MAP2: variants seen among roughly 807,000 people sequenced by gnomAD.
The protein encoded by MAP2 is microtubule associated protein 2.
MAP2 carries 14 observed loss-of-function variants against 137.6 expected under a neutral mutation model. The observed-to-expected ratio is 0.10, with a 90% confidence interval of 0.07 to 0.16. The LOEUF (loss-of-function observed/expected upper bound fraction) is 0.16, where lower values mean the gene tolerates loss of function less well. Among genes scored for constraint, MAP2 ranks in the 10% least tolerant of loss-of-function variants. The pLI, the probability that MAP2 is intolerant of heterozygous loss-of-function variation, is 1.00. For synonymous variants in MAP2, 786 were observed against 782.3 expected, an observed-to-expected ratio of 1.00 and a Z score of -0.08; for missense variants, 2,088 against 2,191.5, an observed-to-expected ratio of 0.95 and a Z score of 0.94.
chr2:209,713,365 C>G (rs1354232356), intron 13 of MAP2, among the ~76,000 whole-genome samples: 1 of 152,114 alleles, frequency 6.6e-6, no homozygotes, highest in Admixed American at 6.6e-5. Flanking sequence ...TGTTAAGGTC[C>G]AATTTCTGTT....
intron 11 of MAP2, among the ~76,000 whole-genome samples, chr2:209,702,966 A>G (rs922998477): frequency 6.6e-6 from 1 of 152,098 alleles, no homozygotes; most frequent in Non-Finnish European, 1.5e-5. Context: ...ATACTTATCT[A>G]TATTTTTAAC....
intron 1 of MAP2, among the ~76,000 whole-genome samples, chr2:209,486,426 A>G (rs2058388394): frequency 6.6e-6 from 1 of 151,932 alleles, no homozygotes; most frequent in Non-Finnish European, 1.5e-5. Flanking sequence ...GTTTCTCCAT[A>G]TTGGCCAGGA....
At chr2:209,576,282 C>T (rs1002387951) in intron 2 of MAP2, among the ~76,000 whole-genome samples, 2 of 152,022 alleles carry the variant, frequency 1.3e-5, no homozygotes, top group Non-Finnish European at 2.9e-5. Context: ...CTTGCTCTGT[C>T]GCCCAGGCTG....
intron 1 of MAP2, among the ~76,000 whole-genome samples, chr2:209,450,649 T>C (rs142193248): frequency 2.8e-4 from 43 of 152,342 alleles, no homozygotes; most frequent in Non-Finnish European, 5.3e-4. Context: ...AGGGGTAATG[T>C]CTTACACTTC....
At chr2:209,437,143 C>G (rs1287716930) in intron 1 of MAP2, among the ~76,000 whole-genome samples, 1 of 151,586 alleles carries the variant, frequency 6.6e-6, no homozygotes, top group Non-Finnish European at 1.5e-5. Context: ...TGTGAATATG[C>G]TGTTGGAGGA....
At chr2:209,470,786 A>C (rs1425335958) in intron 1 of MAP2, among the ~76,000 whole-genome samples, 1 of 152,170 alleles carries the variant, frequency 6.6e-6, no homozygotes, top group Admixed American at 6.5e-5. Context: ...GGATTCCAAA[A>C]GTAAATACTG....
At chr2:209,456,425 TTAC>T (rs925606038) in intron 1 of MAP2, among the ~76,000 whole-genome samples, 2 of 152,202 alleles carry the variant, frequency 1.3e-5, no homozygotes, top group Non-Finnish European at 2.9e-5. Context: ...AACCATCATT[TTAC>T]TACTCAGGCC....
At chr2:209,497,605 C>T (rs1466076554) in intron 1 of MAP2, among the ~76,000 whole-genome samples, 1 of 152,166 alleles carries the variant, frequency 6.6e-6, no homozygotes. Context: ...AAACATAGTG[C>T]TGGCATCAGC....
In MAP2 at chr2:209,695,019, T is replaced by A. The variant is rs775061918; in HGVS notation, c.2849T>A (p.Phe950Tyr). The A allele has an allele frequency of 6.2e-7, 1 of 1,614,074 alleles. No homozygotes were observed. The highest frequency in any genetic ancestry group is 2.2e-5 in the East Asian group (1 of 44,858). ...SGDKSGLSKEFDQEKKANDRL... is the reference protein window; with the variant it reads ...SGDKSGLSKEYDQEKKANDRL... ...GACAAATCAGGACTGAGTAAGGAGT[T>A]TGACCAAGAGAAGAAAGCTAATGAT... Residue 950 changes from phenylalanine to tyrosine, a missense_variant, in exon 8 of 16, where the codon TTT (phenylalanine) becomes TAT (tyrosine). By Grantham distance (22) the Phe-to-Tyr change is conservative. Coordinates refer to ENST00000682079, the MANE Select transcript of MAP2 (RefSeq NM_001375505.1).
intron 5 of MAP2, among the ~76,000 whole-genome samples, chr2:209,665,233 A>G (rs1210480677): frequency 1.3e-5 from 2 of 152,150 alleles, no homozygotes; most frequent in African/African-American, 2.4e-5. Context: ...CAAATTGGAG[A>G]TATTTTCTTG....
chr2:209,654,986 C>CA (rs896539194), intron 5 of MAP2, among the ~76,000 whole-genome samples: 21 of 151,100 alleles, frequency 1.4e-4, no homozygotes, highest in East Asian at 5.8e-4. Context: ...TTGTAATACA[C>CA]AAAAAAAAAT....
chr2:209,431,260 A>G (rs192084311), intron 1 of MAP2, among the ~76,000 whole-genome samples: 3 of 152,294 alleles, frequency 2.0e-5, no homozygotes, highest in Admixed American at 2.0e-4. Context: ...TTTTAATAAA[A>G]TCTTTTTATT....
intron 3 of MAP2, among the ~76,000 whole-genome samples, chr2:209,610,683 C>T (rs2086537925): frequency 6.6e-6 from 1 of 152,012 alleles, no homozygotes; most frequent in Admixed American, 6.6e-5. Flanking sequence ...TTCCAGTTCT[C>T]CTACGGAATA....
Position 209,693,582 on chromosome 2 carries a change from G to A in MAP2, c.1412G>A (p.Gly471Asp). The change falls in exon 8 of 16, where the codon GGC (glycine) becomes GAC (aspartate). Residue 471 changes from glycine to aspartate, a missense_variant. By Grantham distance (94) the Gly-to-Asp change is moderately conservative. Transcript: ENST00000682079. ...KPPKPADEEI[G>D]IIQTSTEHTF... Reference sequence around the variant, plus strand: ...CCAAAACCTGCAGATGAAGAAATAGGCATAATTCAGACCTCCACAGAGCAC... The same window carrying A: ...CCAAAACCTGCAGATGAAGAAATAGACATAATTCAGACCTCCACAGAGCAC... 6.2e-7 allele frequency: 1 copy of A among 1,613,640 alleles called. No individual in the cohort carries two copies.
chr2:209,575,841 G>A (rs571375991), intron 2 of MAP2, among the ~76,000 whole-genome samples: 3 of 152,256 alleles, frequency 2.0e-5, no homozygotes, highest in South Asian at 2.1e-4. Flanking sequence ...AAAAGTTTAT[G>A]CTATGATAAG....
intron 2 of MAP2, among the ~76,000 whole-genome samples, chr2:209,539,626 A>G (rs1482918793): frequency 6.6e-6 from 1 of 152,196 alleles, no homozygotes; most frequent in Non-Finnish European, 1.5e-5. Flanking sequence ...GTTGTCTTTT[A>G]TTATAATTAT....
chr2:209,658,883 C>G (rs2042129522), intron 5 of MAP2, among the ~76,000 whole-genome samples: 1 of 152,176 alleles, frequency 6.6e-6, no homozygotes, highest in African/African-American at 2.4e-5. Context: ...ATATATAAAA[C>G]TACAGCTTAG....
At chr2:209,489,261 A>T (rs1267876887) in intron 1 of MAP2, among the ~76,000 whole-genome samples, 1 of 152,194 alleles carries the variant, frequency 6.6e-6, no homozygotes, top group African/African-American at 2.4e-5. Flanking sequence ...CAAAAAGGAC[A>T]ACCAAGCAAA....
At chr2:209,683,578 T>TG (rs1290465972) in intron 7 of MAP2, among the ~76,000 whole-genome samples, 1 of 152,216 alleles carries the variant, frequency 6.6e-6, no homozygotes, top group African/African-American at 2.4e-5. Flanking sequence ...AATAAATTAG[T>TG]GACAAGTCAC....
Sources: allele counts gnomAD v4.1 joint callset (sites outside exome capture counted in the v4.1 genomes callset), GRCh38; gene constraint gnomAD v4.1.1; transcripts MANE v1.5; gene names NCBI Gene and HGNC (gene_info 2026-07-23, HGNC 2026-07-21).